NCALD: variants seen among roughly 807,000 people sequenced by gnomAD.
NCALD encodes neurocalcin delta, also known as neurocalcin-delta.
Under a neutral mutation model 18.6 loss-of-function variants are expected in NCALD, and 10 were observed. That is an observed-to-expected ratio of 0.54 (90% confidence interval 0.33 to 0.91). NCALD has a LOEUF of 0.91. Among genes scored for constraint, NCALD ranks in the 40% least tolerant of loss-of-function variants. NCALD has a pLI of 0.03. For missense variants in NCALD, 184 were observed against 247.6 expected, an observed-to-expected ratio of 0.74 and a Z score of 1.72; for synonymous variants, 88 against 87.4, an observed-to-expected ratio of 1.01 and a Z score of -0.04.
chr8:101,939,593 C>G (rs764149708), intron 2 of NCALD, among the ~76,000 whole-genome samples: 4 of 152,030 alleles, frequency 2.6e-5, no homozygotes, highest in Admixed American at 6.5e-5. Context: ...CTTGGCTAAT[C>G]CTTTCTTCTT....
intron 3 of NCALD, among the ~76,000 whole-genome samples, chr8:101,892,336 G>T (rs1464706104): frequency 6.8e-6 from 1 of 146,700 alleles, no homozygotes; most frequent in Non-Finnish European, 1.5e-5. Flanking sequence ...CAAACAGAAA[G>T]GACATCCACA....
intron 4 of NCALD, among the ~76,000 whole-genome samples, chr8:101,876,560 T>C (rs1048782551): frequency 2.6e-5 from 4 of 152,246 alleles, no homozygotes; most frequent in Non-Finnish European, 4.4e-5. Context: ...TTTGGTTCTA[T>C]ATTGAGCCAA....
chr8:101,968,649 GA>G (rs1326016180), intron 2 of NCALD, among the ~76,000 whole-genome samples: 2 of 151,988 alleles, frequency 1.3e-5, no homozygotes, highest in African/African-American at 4.8e-5. Flanking sequence ...CTGGCACAAG[GA>G]AAGGGCTTGT....
chr8:101,701,827 C>T (rs1238769307), intron 2 of NCALD, among the ~76,000 whole-genome samples: 2 of 152,196 alleles, frequency 1.3e-5, no homozygotes, highest in Non-Finnish European at 2.9e-5. Flanking sequence ...TGTCCTTAGA[C>T]TTTCTCACCT....
At chr8:101,835,938 G>A (rs2131267762) in intron 4 of NCALD, among the ~76,000 whole-genome samples, 1 of 152,074 alleles carries the variant, frequency 6.6e-6, no homozygotes, top group South Asian at 2.1e-4. Context: ...GACAACCCCT[G>A]GAAGTCTAGA....
chr8:102,038,903 G>T (rs560272789), intron 1 of NCALD, among the ~76,000 whole-genome samples: 111 of 152,312 alleles, frequency 7.3e-4, no homozygotes, highest in African/African-American at 2.4e-3. Context: ...GGGATCAGAA[G>T]TCAGAGAGAC....
At chr8:101,715,003 C>CAAAAAAAAAAAAAA (rs1297532566) in intron 2 of NCALD, among the ~76,000 whole-genome samples, 1 of 103,230 alleles carries the variant, frequency 9.7e-6, no homozygotes, top group African/African-American at 4.2e-5. Context: ...GACTCCGTCT[C>CAAAAAAAAAAAAAA]AAAAAAAAAA....
chr8:101,722,703 A>G (rs1397827441), intron 1 of NCALD, among the ~76,000 whole-genome samples: 1 of 152,242 alleles, frequency 6.6e-6, no homozygotes, highest in Non-Finnish European at 1.5e-5. Flanking sequence ...TGCACTAGAA[A>G]CAAATTGCCT....
chr8:101,776,679 T>A (rs190365677), intron 1 of NCALD, among the ~76,000 whole-genome samples: 1 of 152,264 alleles, frequency 6.6e-6, no homozygotes, highest in African/African-American at 2.4e-5. Context: ...CTAAGCTGTC[T>A]GTGATTTCAT....
intron 2 of NCALD, among the ~76,000 whole-genome samples, chr8:101,935,157 G>C (rs9297315): frequency 0.59 from 89,648 of 151,574 alleles, 26,807 homozygotes; most frequent in African/African-American, 0.68. Context: ...ATTAATAAGA[G>C]AAAATGTGAA....
intron 2 of NCALD, among the ~76,000 whole-genome samples, chr8:101,943,053 G>A (rs1162032652): frequency 6.6e-6 from 1 of 152,198 alleles, no homozygotes; most frequent in African/African-American, 2.4e-5. Context: ...GAAGGCAAAG[G>A]GGAAGTGTGT....
intron 2 of NCALD, among the ~76,000 whole-genome samples, chr8:101,960,248 CCAAT>C (rs1238092675): frequency 1.3e-5 from 2 of 152,114 alleles, no homozygotes; most frequent in African/African-American, 2.4e-5. Context: ...AATGGCAGCA[CCAAT>C]CAGACAAAAA....
chr8:101,954,830 G>A (rs541208018), intron 2 of NCALD, among the ~76,000 whole-genome samples: 18 of 152,328 alleles, frequency 1.2e-4, no homozygotes, highest in African/African-American at 4.3e-4. Flanking sequence ...TGCCATGCAT[G>A]ATTCTAGAAT....
intron 4 of NCALD, chr8:101,872,071 T>A: frequency 6.9e-7 from 1 of 1,456,688 alleles, no homozygotes; most frequent in Non-Finnish European, 9.6e-7. Context: ...CAGATTCCTA[T>A]CAGGATAATT....
At chr8:101,808,972 C>A (rs533277158) in intron 4 of NCALD, among the ~76,000 whole-genome samples, 3 of 152,060 alleles carry the variant, frequency 2.0e-5, no homozygotes, top group Non-Finnish European at 4.4e-5. Context: ...CTATTACATG[C>A]CAAACCTATT....
At chr8:101,959,589 C>G (rs976767231) in intron 2 of NCALD, among the ~76,000 whole-genome samples, 8 of 152,130 alleles carry the variant, frequency 5.3e-5, no homozygotes, top group Non-Finnish European at 1.5e-5. Flanking sequence ...TATCACTCTT[C>G]TTGATATTCA....
At chr8:102,065,093 G>A (rs1248410162) in intron 1 of NCALD, among the ~76,000 whole-genome samples, 1 of 150,592 alleles carries the variant, frequency 6.6e-6, no homozygotes, top group Middle Eastern at 3.2e-3. Flanking sequence ...CTAAAAAGCA[G>A]TAGGGGCTTT....
intron 4 of NCALD, among the ~76,000 whole-genome samples, chr8:101,853,327 T>C (rs1815174765): frequency 1.3e-5 from 2 of 152,124 alleles, no homozygotes; most frequent in Admixed American, 6.6e-5. Flanking sequence ...GGCAGATCTA[T>C]CAACATTTCT....
intron 3 of NCALD, among the ~76,000 whole-genome samples, chr8:101,906,701 G>A (rs1164093321): frequency 6.6e-6 from 1 of 152,188 alleles, no homozygotes; most frequent in African/African-American, 2.4e-5. Context: ...TGAGATCATA[G>A]TTAAACTAAC....
Sources: gnomAD v4.1 joint callset for allele counts (sites outside exome capture counted in the v4.1 genomes callset) on GRCh38, gnomAD v4.1.1 for gene constraint, MANE v1.5 for transcripts, NCBI Gene and HGNC (gene_info 2026-07-23, HGNC 2026-07-21) for gene names.